INPP4A: variants seen among roughly 807,000 people sequenced by gnomAD.
The protein encoded by INPP4A is inositol polyphosphate-4-phosphatase type I A.
Under a neutral mutation model 119.8 loss-of-function variants are expected in INPP4A, and 33 were observed. The observed-to-expected ratio is 0.28, with a 90% confidence interval of 0.21 to 0.37. INPP4A has a LOEUF of 0.37. Among genes scored for constraint, INPP4A ranks in the 10% least tolerant of loss-of-function variants. The pLI, the probability that INPP4A is intolerant of heterozygous loss-of-function variation, is 1.00. For missense variants in INPP4A, 956 were observed against 1,289.9 expected (o/e 0.74, Z 3.97); for synonymous variants, 496 against 500.7 (o/e 0.99, Z 0.12).
intron 1 of INPP4A, among the ~76,000 whole-genome samples, chr2:98,469,959 G>T (rs1675645920): frequency 6.6e-6 from 1 of 152,210 alleles, no homozygotes; most frequent in Non-Finnish European, 1.5e-5. Flanking sequence ...GTGATGTGCA[G>T]AGCTGCAGCA....
rs146975626 is a variant in INPP4A, at chr2:98,565,821, A to G, written c.2279+55A>G. The stretch of plus-strand genomic sequence containing the variant: ...CAGAGAGCGGTTTTCATTTTTGTTT[A>G]TCTCAGGGAAGGTACTCTTCTGAAT... On this transcript the variant is annotated intron_variant, in intron 20 of 24. Coordinates refer to ENST00000409851, the MANE Select transcript of INPP4A (RefSeq NM_001134225.2). 5.2e-5 allele frequency: 83 copies of G among 1,590,518 alleles called. No individual in the cohort carries two copies. In the East Asian group the frequency reaches 1.9e-3, roughly 36 times the overall value.
intron 24 of INPP4A, among the ~76,000 whole-genome samples, chr2:98,585,613 C>G (rs1378167239): frequency 1.3e-5 from 2 of 152,216 alleles, no homozygotes; most frequent in Non-Finnish European, 2.9e-5. Context: ...CCCGGGCCCT[C>G]TTGCCAGCTC....
At position 98,553,537 on chromosome 2, in the gene INPP4A, G is replaced by A. The variant is rs75735875; in HGVS notation, c.1347+568G>A. 4.6e-3 allele frequency among the ~76,000 whole-genome samples: 706 copies of A among 151,862 alleles called. 3 individuals carry two copies. The highest frequency in any genetic ancestry group is 0.02 in the Middle Eastern group (6 of 294). On this transcript the variant is annotated intron_variant, in intron 14 of 24. Coordinates refer to ENST00000409851, the MANE Select transcript of INPP4A (RefSeq NM_001134225.2). The stretch of plus-strand genomic sequence containing the variant: ...CCCATTACTTGGTCTCTCTCTCAGC[G>A]CACACAAACACGCTCTCATACACAC...
At chr2:98,527,658 CAG>C (rs1688426682) in intron 4 of INPP4A, among the ~76,000 whole-genome samples, 2 of 152,164 alleles carry the variant, frequency 1.3e-5, no homozygotes, top group Non-Finnish European at 2.9e-5. Context: ...AAGGCTAAGA[CAG>C]AGTTATAAAC....
At chr2:98,477,366 TC>T (rs752052774) in intron 1 of INPP4A, among the ~76,000 whole-genome samples, 4 of 152,244 alleles carry the variant, frequency 2.6e-5, no homozygotes, top group Admixed American at 6.5e-5. Flanking sequence ...AGCTTGGTCT[TC>T]CTGCCTGGTA....
intron 23 of INPP4A, among the ~76,000 whole-genome samples, chr2:98,574,185 A>G (rs980111733): frequency 1.3e-5 from 2 of 151,990 alleles, no homozygotes; most frequent in African/African-American, 2.4e-5. Context: ...CAGGGCACAC[A>G]CTGGCTACGG....
At chr2:98,547,509 A>G (rs1692685703) in intron 13 of INPP4A, among the ~76,000 whole-genome samples, 2 of 152,238 alleles carry the variant, frequency 1.3e-5, no homozygotes, top group Non-Finnish European at 2.9e-5. Context: ...ATGATCTTCC[A>G]GAACATCACC....
intron 5 of INPP4A, among the ~76,000 whole-genome samples, chr2:98,533,738 A>T (rs559771634): frequency 2.6e-5 from 4 of 152,318 alleles, no homozygotes; most frequent in South Asian, 4.1e-4. Context: ...TTGAACAATG[A>T]TCCTGTAAGC....
chr2:98,447,871 C>T (rs1694473329), intron 1 of INPP4A, among the ~76,000 whole-genome samples: 1 of 151,870 alleles, frequency 6.6e-6, no homozygotes, highest in Non-Finnish European at 1.5e-5. Context: ...CACGGTGAAA[C>T]CCTATCTCTA....
At position 98,468,389 on chromosome 2, in the gene INPP4A, C is replaced by T. The variant is rs546492822; in HGVS notation, c.-166+23304C>T. Among the ~76,000 whole-genome samples, 5 of 152,250 alleles carry T rather than the reference C, an allele frequency of 3.3e-5. No homozygotes were observed. The East Asian group carries it at 9.6e-4, about 29-fold the overall frequency. On this transcript the variant is annotated intron_variant, in intron 1 of 24. Transcript: ENST00000409851. Reference sequence around the variant, plus strand: ...TAGTTGGGAGTACAGAAATGCCTTACCATGCCTAAATTTTATTTTTTATTT... The same window carrying T: ...TAGTTGGGAGTACAGAAATGCCTTATCATGCCTAAATTTTATTTTTTATTT...
At chr2:98,563,081 G>A (rs1252196580) in intron 17 of INPP4A, among the ~76,000 whole-genome samples, 1 of 152,198 alleles carries the variant, frequency 6.6e-6, no homozygotes, top group African/African-American at 2.4e-5. Context: ...CCGGGTGGAG[G>A]TGCTACAGGG....
At chr2:98,552,737 C>CT (rs1163521843) in intron 13 of INPP4A, 49 bp from the exon 14 acceptor site, 1 of 1,454,772 alleles carries the variant, frequency 6.9e-7, no homozygotes, top group Non-Finnish European at 9.6e-7. Flanking sequence ...TGCTGTCATC[C>CT]TTTTCAGATT....
intron 24 of INPP4A, among the ~76,000 whole-genome samples, chr2:98,581,026 T>C (rs1699221330): frequency 6.6e-6 from 1 of 152,224 alleles, no homozygotes; most frequent in Non-Finnish European, 1.5e-5. Flanking sequence ...TGGTGGGGGC[T>C]CTGCGCTTGG....
intron 1 of INPP4A, among the ~76,000 whole-genome samples, chr2:98,507,643 C>T (rs1684326379): frequency 1.3e-5 from 2 of 152,138 alleles, no homozygotes; most frequent in Admixed American, 1.3e-4. Context: ...CAGGCGGCCT[C>T]TGGTGGCTGG....
At chr2:98,540,536 AT>A (rs1691218191) in intron 10 of INPP4A, among the ~76,000 whole-genome samples, 1 of 152,250 alleles carries the variant, frequency 6.6e-6, no homozygotes, top group Non-Finnish European at 1.5e-5. Flanking sequence ...CTGTAACAGA[AT>A]GCCAGAGAAT....
At position 98,563,456 on chromosome 2, in the gene INPP4A, G is replaced by A. The variant is rs2106329761; in HGVS notation, c.1856-9G>A. On this transcript the variant is annotated splice_polypyrimidine_tract_variant and intron_variant, in intron 17 of 24. Transcript: ENST00000409851. Reference sequence around the variant, plus strand: ...TCTCATTGTGATGACCCCTTCGCTTGTGCCCCAGGTGAATGGAGTGAGGCC... The same window carrying A: ...TCTCATTGTGATGACCCCTTCGCTTATGCCCCAGGTGAATGGAGTGAGGCC... 1.2e-6 allele frequency: 2 copies of A among 1,610,696 alleles called. No homozygotes were observed. Among genetic ancestry groups the A allele is most frequent in the East Asian group, 4.5e-5 (2 of 44,800 alleles).
intron 10 of INPP4A, 77 bp downstream of exon 10, chr2:98,539,752 G>A: frequency 7.0e-7 from 1 of 1,436,594 alleles, no homozygotes; most frequent in East Asian, 2.6e-5. Flanking sequence ...ATAGCGGGCA[G>A]AGCACTGGCA....
At chr2:98,483,252 A>G (rs1228242883) in intron 1 of INPP4A, among the ~76,000 whole-genome samples, 2 of 152,080 alleles carry the variant, frequency 1.3e-5, no homozygotes, top group Admixed American at 6.5e-5. Flanking sequence ...CATTACCCCA[A>G]ATTTGCTTTT....
intron 7 of INPP4A, among the ~76,000 whole-genome samples, chr2:98,537,545 T>G (rs1480974945): frequency 1.3e-5 from 2 of 152,054 alleles, no homozygotes; most frequent in African/African-American, 4.8e-5. Context: ...TGGGCAGGGG[T>G]GAGCACAGGC....
Sources: allele counts gnomAD v4.1 joint callset (sites outside exome capture counted in the v4.1 genomes callset), GRCh38; gene constraint gnomAD v4.1.1; transcripts MANE v1.5; gene names NCBI Gene and HGNC (gene_info 2026-07-23, HGNC 2026-07-21).